KANSL1: variants seen among roughly 807,000 people sequenced by gnomAD.
The protein encoded by KANSL1 is KAT8 regulatory NSL complex subunit 1.
A neutral mutation model predicts 103.6 loss-of-function variants in KANSL1; 22 were observed. The ratio of observed to expected loss-of-function variants is 0.21; its 90% CI spans 0.15 to 0.30. The LOEUF (loss-of-function observed/expected upper bound fraction) is 0.30, where lower values mean the gene tolerates loss of function less well. KANSL1 is among the 10% of genes least tolerant of loss of function. The pLI, the probability that KANSL1 is intolerant of heterozygous loss-of-function variation, is 1.00. For synonymous variants in KANSL1, 600 were observed against 527.6 expected (o/e 1.14, Z -1.88); for missense variants, 1,337 against 1,399.8 (o/e 0.96, Z 0.72).
intron 10 of KANSL1, 199 bp from the exon 11 acceptor site, chr17:46,034,484 C>CA: frequency 1.9e-6 from 1 of 527,246 alleles, no homozygotes; most frequent in Non-Finnish European, 3.4e-6. Context: ...ACCAGGTGGT[C>CA]ATGAGGAGTT....
chr17:46,145,296 T>G (rs1029083671), intron 2 of KANSL1, among the ~76,000 whole-genome samples: 8 of 152,256 alleles, frequency 5.3e-5, no homozygotes, highest in African/African-American at 1.9e-4. Flanking sequence ...CCATCCCATA[T>G]TTCAACTACA....
chr17:46,125,033 T>C (rs1368611655), intron 2 of KANSL1, among the ~76,000 whole-genome samples: 8 of 49,452 alleles, frequency 1.6e-4, no homozygotes, highest in Admixed American at 4.8e-4. Context: ...GGAGGGGAGG[T>C]AGGGAGGGAG....
chr17:46,174,988 CAA>C (rs2046450775), intron 1 of KANSL1, among the ~76,000 whole-genome samples: 2 of 152,294 alleles, frequency 1.3e-5, no homozygotes, highest in South Asian at 4.1e-4. Flanking sequence ...TTAAATTTCT[CAA>C]AGTTTATAAG....
intron 2 of KANSL1, among the ~76,000 whole-genome samples, chr17:46,109,272 A>G (rs1567684563): frequency 6.6e-6 from 1 of 152,206 alleles, no homozygotes; most frequent in Non-Finnish European, 1.5e-5. Context: ...CACAACTTGA[A>G]TGGAAACTTG....
chr17:46,081,067 T>C (rs527493933), intron 4 of KANSL1, among the ~76,000 whole-genome samples: 1 of 152,208 alleles, frequency 6.6e-6, no homozygotes, highest in African/African-American at 2.4e-5. Flanking sequence ...AGTGAATCTG[T>C]ATAAACTGTC....
intron 2 of KANSL1, among the ~76,000 whole-genome samples, chr17:46,131,923 T>C (rs2043882651): frequency 2.0e-5 from 3 of 152,080 alleles, no homozygotes; most frequent in South Asian, 4.1e-4. Flanking sequence ...ACTCAAGAGA[T>C]TGAGACCATC....
chr17:46,196,197 C>T (rs2047601805), upstream of KANSL1: 1 of 403,870 alleles, frequency 2.5e-6, no homozygotes, highest in Non-Finnish European at 4.9e-6. Flanking sequence ...ATGATCATGC[C>T]ATTGTAGTCC....
chr17:46,168,231 C>T (rs918180231), intron 2 of KANSL1, among the ~76,000 whole-genome samples: 2 of 152,260 alleles, frequency 1.3e-5, no homozygotes, highest in African/African-American at 2.4e-5. Flanking sequence ...CTTTAAAACA[C>T]TCAGAAGATC....
chr17:46,116,037 T>C (rs191920972), intron 2 of KANSL1, among the ~76,000 whole-genome samples: 27 of 152,326 alleles, frequency 1.8e-4, no homozygotes, highest in African/African-American at 5.3e-4. Flanking sequence ...TATAGAATCA[T>C]AGACGAGAAG....
At chr17:46,200,038 T>TACACACACACACACACAC (rs143234563) in intron 1 of KANSL1, among the ~76,000 whole-genome samples, 24 of 147,478 alleles carry the variant, frequency 1.6e-4, no homozygotes, top group Non-Finnish European at 2.4e-4. Context: ...TCAATGAGTT[T>TACACACACACACACACAC]ACACACACAC....
At chr17:46,138,440 A>G (rs2044261365) in intron 2 of KANSL1, among the ~76,000 whole-genome samples, 1 of 152,264 alleles carries the variant, frequency 6.6e-6, no homozygotes, top group Non-Finnish European at 1.5e-5. Flanking sequence ...TCTAGAGATG[A>G]CAAAGCATAC....
At chr17:46,108,168 C>G (rs1322708232) in intron 2 of KANSL1, among the ~76,000 whole-genome samples, 2 of 152,206 alleles carry the variant, frequency 1.3e-5, no homozygotes, top group East Asian at 1.9e-4. Context: ...TCTCTAAAAA[C>G]CCAAGTCCTG....
chr17:46,040,206 T>C, intron 7 of KANSL1: 1 of 354,742 alleles, frequency 2.8e-6, no homozygotes, highest in East Asian at 5.2e-5. Flanking sequence ...ATTCTAGAGA[T>C]TTAAAAACAT....
At chr17:46,064,870 TTTAA>T (rs979245839) in intron 6 of KANSL1, among the ~76,000 whole-genome samples, 18 of 152,092 alleles carry the variant, frequency 1.2e-4, no homozygotes, top group African/African-American at 4.1e-4. Context: ...CAGGATTTTT[TTTAA>T]TTAATTAATT....
At chr17:46,177,871 G>A (rs528977240) in intron 1 of KANSL1, among the ~76,000 whole-genome samples, 1 of 152,090 alleles carries the variant, frequency 6.6e-6, no homozygotes, top group South Asian at 2.1e-4. Flanking sequence ...TCCACCTCCC[G>A]GGTTCACGCC....
chr17:46,052,792 AT>A (rs981845250), intron 6 of KANSL1, among the ~76,000 whole-genome samples: 1 of 99,786 alleles, frequency 1.0e-5, no homozygotes, highest in African/African-American at 3.3e-5. Context: ...AAAATTTAAA[AT>A]TAAAAAAAAA....
intron 6 of KANSL1, among the ~76,000 whole-genome samples, chr17:46,062,114 CAAACAAAAAAAAAA>C (rs2078189772): frequency 8.1e-5 from 3 of 37,126 alleles, no homozygotes; most frequent in African/African-American, 2.0e-4. Context: ...AAAAAACAAA[CAAACAAAAAAAAAA>C]AAAAAACATG....
At chr17:46,044,076 A>T (rs2077419227) in intron 7 of KANSL1, 1 of 151,990 alleles carries the variant, frequency 6.6e-6, no homozygotes, top group Non-Finnish European at 1.5e-5. Flanking sequence ...TTCTGTGAAG[A>T]GTTAAAAATC....
At chr17:46,216,018 G>A (rs1354623453) in intron 1 of KANSL1, among the ~76,000 whole-genome samples, 7 of 151,686 alleles carry the variant, frequency 4.6e-5, no homozygotes, top group African/African-American at 1.2e-4. Context: ...CCAGCCTGGG[G>A]GATAGAGCGA....
Sources: allele counts gnomAD v4.1 joint callset (sites outside exome capture counted in the v4.1 genomes callset), GRCh38; gene constraint gnomAD v4.1.1; transcripts MANE v1.5; gene names NCBI Gene and HGNC (gene_info 2026-07-23, HGNC 2026-07-21).